ZNF385D: variants seen among roughly 807,000 people sequenced by gnomAD.
ZNF385D encodes zinc finger protein 659.
In ZNF385D, 15 loss-of-function variants were observed where a neutral mutation model predicts 35.8. The observed-to-expected ratio is 0.42, with a 90% CI of 0.28 to 0.64. The LOEUF (loss-of-function observed/expected upper bound fraction) is 0.64. ZNF385D is among the 30% of genes least tolerant of loss of function. The pLI is 0.23. For missense variants in ZNF385D, 474 were observed against 494.6 expected (o/e 0.96, Z 0.39); for synonymous variants, 212 against 186.8 (o/e 1.13, Z -1.10).
At chr3:21,787,036 G>A (rs1485666185) in intron 3 of ZNF385D, among the ~76,000 whole-genome samples, 2 of 152,154 alleles carry the variant, frequency 1.3e-5, no homozygotes, top group Non-Finnish European at 2.9e-5. Context: ...ATTTTAAAAA[G>A]TATTAATCAA....
rs545986563 is a variant in ZNF385D at position 22,005,011 on chromosome 3, C to G, written c.325+163806G>C. Among the ~76,000 whole-genome samples, 10 of 127,008 alleles carry G rather than the reference C, an allele frequency of 7.9e-5. No homozygotes were observed. In the East Asian group the frequency reaches 2.6e-3, roughly 33 times the overall value. The allele number at this position is 127,008 out of a possible 152,430, so 83.3% of individuals were successfully genotyped here. On this transcript the variant is annotated intron_variant, in intron 3 of 5. Coordinates refer to the ZNF385D transcript ENST00000494108. The stretch of plus-strand genomic sequence containing the variant: ...ACTTCCTAAATTGACTGAGACCTGC[C>G]TTAGATATTTGGGGTTAATACAAGG...
chr3:21,705,128 T>C (rs1490161), intron 1 of ZNF385D, among the ~76,000 whole-genome samples: 108,235 of 152,046 alleles, frequency 0.71, 38,844 homozygotes, highest in Non-Finnish European at 0.76. Context: ...TAAAATCTAT[T>C]CATTTTAAAA....
At chr3:22,063,476 T>C (rs1434012909) in intron 3 of ZNF385D, among the ~76,000 whole-genome samples, 3 of 152,228 alleles carry the variant, frequency 2.0e-5, no homozygotes, top group African/African-American at 7.2e-5. Context: ...AATAGATTTT[T>C]ACATAAAACT....
chr3:21,889,611 G>C (rs1445377877), intron 3 of ZNF385D, among the ~76,000 whole-genome samples: 1 of 152,128 alleles, frequency 6.6e-6, no homozygotes, highest in East Asian at 1.9e-4. Flanking sequence ...ACTGGGGAGA[G>C]AAATTCCTCA....
upstream of ZNF385D, among the ~76,000 whole-genome samples, chr3:21,754,173 T>A (rs1005502970): frequency 7.9e-5 from 12 of 152,238 alleles, no homozygotes; most frequent in African/African-American, 2.4e-4. Context: ...TTATTTTTTT[T>A]AATTTTGAAG....
At chr3:22,045,392 G>A (rs1015797626) in intron 3 of ZNF385D, among the ~76,000 whole-genome samples, 18 of 152,090 alleles carry the variant, frequency 1.2e-4, no homozygotes, top group South Asian at 2.1e-4. Flanking sequence ...TGAGAAATAC[G>A]AATGGGAGAT....
rs1700526548 is a variant in ZNF385D at position 21,413,895 on chromosome 3, C to A, written c.*7319G>T. ...AAATTGGCTCATGTTAGTAAATAGA[C>A]ATACTTATCACTCAATTTATTCGAC... On this transcript the variant is annotated 3_prime_UTR_variant, in exon 8 of 8. Coordinates refer to ENST00000281523, the MANE Select transcript of ZNF385D (RefSeq NM_024697.3). 1 of 152,040 alleles carries A rather than the reference C, an allele frequency of 6.6e-6. No homozygotes were observed. The highest frequency in any genetic ancestry group is 1.5e-5 in the Non-Finnish European group (1 of 67,982). 9.4% of individuals were successfully genotyped at this position (152,040 alleles called of 1,614,324 possible).
chr3:21,798,507 G>A (rs2072253714), intron 3 of ZNF385D, among the ~76,000 whole-genome samples: 1 of 152,180 alleles, frequency 6.6e-6, no homozygotes, highest in African/African-American at 2.4e-5. Flanking sequence ...AAGGATAGCA[G>A]GGGAAGCGTC....
At chr3:21,804,594 G>A (rs573476284) in intron 3 of ZNF385D, among the ~76,000 whole-genome samples, 2 of 152,154 alleles carry the variant, frequency 1.3e-5, no homozygotes, top group African/African-American at 4.8e-5. Flanking sequence ...GTACATTTAT[G>A]CAAGAAAACA....
At chr3:21,674,659 G>A (rs17009256) in intron 1 of ZNF385D, among the ~76,000 whole-genome samples, 7,652 of 152,070 alleles carry the variant, frequency 0.05, 278 homozygotes, top group East Asian at 0.13. Flanking sequence ...GCTCAAACAC[G>A]AGTTACTCTA....
intron 2 of ZNF385D, among the ~76,000 whole-genome samples, chr3:21,567,852 C>T (rs2063203701): frequency 2.0e-5 from 3 of 151,942 alleles, no homozygotes; most frequent in Middle Eastern, 3.4e-3. Flanking sequence ...TTTTTAGTAA[C>T]ACTGGGGAGG....
At chr3:21,879,996 C>T (rs1698193875) in intron 3 of ZNF385D, among the ~76,000 whole-genome samples, 1 of 151,868 alleles carries the variant, frequency 6.6e-6, no homozygotes, top group African/African-American at 2.4e-5. Context: ...CTCTCCCTGG[C>T]ATCATTAAAG....
intron 3 of ZNF385D, among the ~76,000 whole-genome samples, chr3:21,769,294 G>T (rs1250756464): frequency 1.2e-5 from 1 of 80,162 alleles, no homozygotes; most frequent in African/African-American, 6.7e-5. Context: ...AAGTCAAATT[G>T]TCCCTGTTTT....
intron 2 of ZNF385D, among the ~76,000 whole-genome samples, chr3:22,221,324 G>C (rs1262863514): frequency 6.6e-6 from 1 of 152,012 alleles, no homozygotes; most frequent in Non-Finnish European, 1.5e-5. Context: ...TATAAAACCT[G>C]TGTATTTATT....
chr3:21,966,256 C>G (rs1702906757), intron 3 of ZNF385D, among the ~76,000 whole-genome samples: 1 of 152,158 alleles, frequency 6.6e-6, no homozygotes, highest in Non-Finnish European at 1.5e-5. Flanking sequence ...CATCCCCTAA[C>G]ATCTAGCACA....
chr3:22,035,973 G>A (rs1465111175), intron 3 of ZNF385D, among the ~76,000 whole-genome samples: 1 of 151,946 alleles, frequency 6.6e-6, no homozygotes, highest in African/African-American at 2.4e-5. Flanking sequence ...AAAGAGAAAA[G>A]CAGAAATGGA....
intron 3 of ZNF385D, among the ~76,000 whole-genome samples, chr3:22,119,871 A>G (rs1702998080): frequency 6.6e-6 from 1 of 152,022 alleles, no homozygotes; most frequent in African/African-American, 2.4e-5. Context: ...TTTTTGAGAC[A>G]GGATCTCACA....
intron 3 of ZNF385D, among the ~76,000 whole-genome samples, chr3:22,127,442 C>A (rs373199435): frequency 1.2e-4 from 17 of 146,844 alleles, no homozygotes; most frequent in Non-Finnish European, 2.1e-4. Context: ...TGGCTTCAAG[C>A]GATTCTCCTG....
At chr3:22,105,444 C>G (rs931133818) in intron 3 of ZNF385D, among the ~76,000 whole-genome samples, 3 of 151,622 alleles carry the variant, frequency 2.0e-5, no homozygotes, top group Admixed American at 1.3e-4. Flanking sequence ...TACTTATATA[C>G]AGAGAGAGAA....
Sources: gnomAD v4.1 joint callset for allele counts (sites outside exome capture counted in the v4.1 genomes callset) on GRCh38, gnomAD v4.1.1 for gene constraint, MANE v1.5 for transcripts, NCBI Gene and HGNC (gene_info 2026-07-23, HGNC 2026-07-21) for gene names.